USP14: variants seen among roughly 807,000 people sequenced by gnomAD.
The protein encoded by USP14 is ubiquitin specific peptidase 14, also known as ubiquitin carboxyl-terminal hydrolase 14.
USP14 carries 38 observed loss-of-function variants against 76.5 expected under a neutral mutation model. That is an observed-to-expected ratio of 0.50 (90% confidence interval 0.38 to 0.65). USP14 has a LOEUF of 0.65. Among genes scored for constraint, USP14 ranks in the 30% least tolerant of loss-of-function variants. USP14 has a pLI of 0.00. For synonymous variants in USP14, 192 were observed against 191.7 expected, an observed-to-expected ratio of 1.00 and a Z score of -0.01; for missense variants, 467 against 586.5, an observed-to-expected ratio of 0.80 and a Z score of 2.10.
chr18:158,601 C>G lies in USP14; in HGVS notation c.-98C>G. The G allele has an allele frequency of 1.5e-6, 2 of 1,358,704 alleles. No homozygotes were observed. The highest frequency in any genetic ancestry group is 2.0e-6 in the Non-Finnish European group (2 of 1,008,004). The allele number at this position is 1,358,704 out of a possible 1,614,324, so 84.2% of individuals were successfully genotyped here. On this transcript the variant is annotated 5_prime_UTR_variant, in exon 1 of 16. Transcript: ENST00000261601. Reference sequence around the variant, plus strand: ...GAAGCCGCCGCCACCACCGCGCCTCCGCCTCGGCCGCCGCCGCAGCTGCTC... The same window carrying G: ...GAAGCCGCCGCCACCACCGCGCCTCGGCCTCGGCCGCCGCCGCAGCTGCTC...
chr18:210,333 A>G (rs113753917), intron 14 of USP14, 53 bp from the exon 15 acceptor site: 1 of 1,288,014 alleles, frequency 7.8e-7, no homozygotes, highest in Non-Finnish European at 1.1e-6. Context: ...TTAGCTTGAG[A>G]AGGCACATGT....
chr18:196,820 A>G, intron 7 of USP14, 53 bp downstream of exon 7: 10 of 1,597,950 alleles, frequency 6.3e-6, no homozygotes, highest in Non-Finnish European at 8.6e-6. Context: ...TAGGTTTCCT[A>G]CATTTACCGT....
chr18:196,119 G>A (rs570009302), intron 6 of USP14, among the ~76,000 whole-genome samples: 2 of 152,056 alleles, frequency 1.3e-5, no homozygotes, highest in East Asian at 1.9e-4. Flanking sequence ...TCAGGAGTTC[G>A]AGACCAGCCT....
chr18:209,412 G>A (rs1910612927), intron 13 of USP14, among the ~76,000 whole-genome samples: 1 of 152,150 alleles, frequency 6.6e-6, no homozygotes, highest in Admixed American at 6.5e-5. Context: ...CATGTTGCAT[G>A]CTAAAATGAG....
chr18:160,078 C>A (rs1392247524), intron 1 of USP14, among the ~76,000 whole-genome samples: 2 of 152,026 alleles, frequency 1.3e-5, no homozygotes, highest in Admixed American at 1.3e-4. Flanking sequence ...TCGAGGCGGG[C>A]GGATCACTTG....
chr18:178,833 A>G (rs1235857603), intron 3 of USP14, 100 bp from the exon 4 acceptor site: 2 of 822,038 alleles, frequency 2.4e-6, no homozygotes, highest in Non-Finnish European at 1.9e-6. Context: ...GGCAAATAGA[A>G]TTATGTTATA....
At chr18:203,488 C>G (rs1910440720) in intron 12 of USP14, among the ~76,000 whole-genome samples, 1 of 152,076 alleles carries the variant, frequency 6.6e-6, no homozygotes, top group African/African-American at 2.4e-5. Flanking sequence ...TCTGATGGCT[C>G]TCCTGCACTA....
chr18:162,988 G>A (rs1233200373), intron 1 of USP14: 7 of 168,036 alleles, frequency 4.2e-5, no homozygotes, highest in Non-Finnish European at 8.9e-5. Context: ...ATTAGAGACA[G>A]GCTGGTCTCG....
intron 4 of USP14, among the ~76,000 whole-genome samples, chr18:179,789 T>C (rs1373211362): frequency 2.0e-5 from 3 of 149,438 alleles, no homozygotes; most frequent in African/African-American, 4.9e-5. Flanking sequence ...TTTGTAGAGA[T>C]GGGGTCTTGC....
chr18:177,866 ATATTTTGAACAAATTTACTCTGTAT>A, intron 3 of USP14, among the ~76,000 whole-genome samples: 1 of 152,230 alleles, frequency 6.6e-6, no homozygotes, highest in East Asian at 1.9e-4. Context: ...ATATAATTGG[ATATTTTGAACAAATTTACTCTGTAT>A]TTGGTTTGAT....
chr18:184,144 T>G (rs1909862585), intron 5 of USP14, among the ~76,000 whole-genome samples: 1 of 152,246 alleles, frequency 6.6e-6, no homozygotes, highest in Non-Finnish European at 1.5e-5. Context: ...TTTAAAAAAA[T>G]AAAAGTGAAA....
chr18:178,907 C>T, intron 3 of USP14, 26 bp from the exon 4 acceptor site: 1 of 1,558,064 alleles, frequency 6.4e-7, no homozygotes, highest in East Asian at 2.3e-5. Flanking sequence ...TAAGGATTTT[C>T]ATGAAATTAC....
At chr18:176,233 G>A (rs4797050) in intron 3 of USP14, among the ~76,000 whole-genome samples, 54,397 of 151,110 alleles carry the variant, frequency 0.36, 10,145 homozygotes, top group South Asian at 0.46. Flanking sequence ...TTTCTACTTC[G>A]GTTTTAAATT....
chr18:202,451 T>C (rs1374383592), intron 10 of USP14, among the ~76,000 whole-genome samples: 1 of 152,228 alleles, frequency 6.6e-6, no homozygotes, highest in Non-Finnish European at 1.5e-5. Flanking sequence ...TTAACAATAA[T>C]TCATTGGTGC....
chr18:169,360 CAAA>C lies in USP14; in HGVS notation c.195+2561_195+2563del, dbSNP rs11336218. 1.5e-3 allele frequency among the ~76,000 whole-genome samples: 118 copies of C among 79,344 alleles called. 2 individuals carry two copies. The highest frequency in any genetic ancestry group is 4.8e-3 in the African/African-American group (100 of 20,724). 52.1% of individuals were successfully genotyped at this position (79,344 alleles called of 152,430 possible). On this transcript the variant is annotated intron_variant, in intron 3 of 15. Coordinates refer to ENST00000261601, the MANE Select transcript of USP14 (RefSeq NM_005151.4). The stretch of plus-strand genomic sequence containing the variant: ...TGGGCAACAGAGCAAGACTCTACCT[CAAA>C]AAAAAAAAAAAAAAAAAAAGAGTGG...
intron 6 of USP14, among the ~76,000 whole-genome samples, chr18:196,196 C>CG (rs1910229441): frequency 4.6e-5 from 7 of 151,854 alleles, no homozygotes; most frequent in Admixed American, 2.6e-4. Flanking sequence ...TGGTGGCATG[C>CG]TCCTGTAATC....
rs1450672465 is a variant in USP14 at position 204,707 on chromosome 18, C to A, written c.1164+15C>A. The A allele has an allele frequency of 4.4e-6, 7 of 1,608,066 alleles. No homozygotes were observed. In the Middle Eastern group the frequency reaches 5.0e-4, roughly 114 times the overall value. On this transcript the variant is annotated intron_variant, in intron 13 of 15. Transcript: ENST00000261601. ...AGCCAAATACAGTAGGTTCTTACTGCTGACTTTATACTCTTAATATCTTAA... is the reference window on the plus strand; with the variant it reads ...AGCCAAATACAGTAGGTTCTTACTGATGACTTTATACTCTTAATATCTTAA...
At chr18:161,015 C>T (rs528206436) in intron 1 of USP14, among the ~76,000 whole-genome samples, 1 of 152,144 alleles carries the variant, frequency 6.6e-6, no homozygotes, top group African/African-American at 2.4e-5. Flanking sequence ...GCGACCTCCA[C>T]CTCCTGGTTT....
chr18:162,439 A>T (rs1004996333), intron 1 of USP14, among the ~76,000 whole-genome samples: 1 of 152,032 alleles, frequency 6.6e-6, no homozygotes, highest in Non-Finnish European at 1.5e-5. Flanking sequence ...AATGATTTAG[A>T]TATGTCTTTG....
Sources: allele counts gnomAD v4.1 joint callset (sites outside exome capture counted in the v4.1 genomes callset), GRCh38; gene constraint gnomAD v4.1.1; transcripts MANE v1.5; gene names NCBI Gene and HGNC (gene_info 2026-07-23, HGNC 2026-07-21).